Variants in SLC37A3 observed in about 807,000 individuals in gnomAD.
SLC37A3 encodes the protein sugar phosphate exchanger 3.
SLC37A3 carries 51 observed loss-of-function variants against 67.1 expected under a neutral mutation model. The observed-to-expected ratio is 0.76, with a 90% CI of 0.61 to 0.96. The LOEUF (loss-of-function observed/expected upper bound fraction) is 0.96. SLC37A3 is among the 40% of genes least tolerant of loss of function. The probability of loss-of-function intolerance (pLI) is 0.00; values close to 1 mark genes in which losing one functional copy is unlikely to be tolerated. For missense variants in SLC37A3, 508 were observed against 603.0 expected (o/e 0.84, Z 1.65); for synonymous variants, 214 against 231.4 (o/e 0.92, Z 0.68).
rs1178156734 is a variant in SLC37A3, at chr7:140,345,228, T to C, written c.1162A>G (p.Met388Val). 1 of 1,613,940 alleles carries C rather than the reference T, an allele frequency of 6.2e-7. No individual in the cohort carries two copies. The highest frequency in any genetic ancestry group is 8.5e-7 in the Non-Finnish European group (1 of 1,179,872). The stretch of plus-strand genomic sequence containing the variant: ...CCATGTGCCGTACCTGTAACAGTCA[T>C]CAGAAGGGCATTGATGGACTTATCA... The part of the protein sequence containing the change: ...PNDKSINALL[M>V]TVTGFFIGGP... The change falls in exon 12 of 15, where the codon ATG (methionine) becomes GTG (valine). Residue 388 changes from methionine (M) to valine (V), a missense_variant. Transcript: ENST00000326232.
chr7:140,337,234 T>C, intron 14 of SLC37A3, 50 bp downstream of exon 14: 1 of 1,457,364 alleles, frequency 6.9e-7, no homozygotes, highest in Non-Finnish European at 9.2e-7. Flanking sequence ...TGCTTTGAAC[T>C]TAATTAACAG....
chr7:140,371,321 G>A (rs905982215), intron 3 of SLC37A3, among the ~76,000 whole-genome samples: 34 of 152,054 alleles, frequency 2.2e-4, no homozygotes, highest in African/African-American at 8.0e-4. Context: ...TTACAGGCAC[G>A]TGCCACCACG....
chr7:140,352,223 G>A (rs1796841973), intron 7 of SLC37A3, 77 bp from the exon 8 acceptor site: 2 of 1,095,688 alleles, frequency 1.8e-6, no homozygotes, highest in Non-Finnish European at 2.7e-6. Context: ...AAGGTGTGTG[G>A]GGGAAGGTGG....
chr7:140,387,762 T>C lies in SLC37A3; in HGVS notation c.-70-5166A>G, dbSNP rs1159028592. On this transcript the variant is annotated intron_variant, in intron 1 of 14. Coordinates refer to ENST00000326232, the MANE Select transcript of SLC37A3 (RefSeq NM_207113.3). ...TATATATTATATAAATATAAATATA[T>C]TATATATATTATACATAAATATAAA... 5.8e-5 allele frequency among the ~76,000 whole-genome samples: 4 copies of C among 68,868 alleles called. 1 individual carries two copies. The highest frequency in any genetic ancestry group is 1.3e-4 in the African/African-American group (2 of 15,692). The allele number at this position is 68,868 out of a possible 152,430, so 45.2% of individuals were successfully genotyped here.
At chr7:140,370,768 AACCTACTTC>A (rs1797787262) in intron 3 of SLC37A3, among the ~76,000 whole-genome samples, 1 of 152,216 alleles carries the variant, frequency 6.6e-6, no homozygotes, top group Non-Finnish European at 1.5e-5. Context: ...GTCCTTCATT[AACCTACTTC>A]AATTAAATCA....
intron 10 of SLC37A3, among the ~76,000 whole-genome samples, chr7:140,347,247 C>CAAAAAAA (rs554765652): frequency 1.4e-5 from 1 of 71,660 alleles, no homozygotes; most frequent in African/African-American, 4.9e-5. Context: ...CCCCCATCTC[C>CAAAAAAA]AAAAAAAAAA....
chr7:140,377,252 C>T (rs1417519643), intron 3 of SLC37A3, among the ~76,000 whole-genome samples: 3 of 150,014 alleles, frequency 2.0e-5, no homozygotes, highest in South Asian at 2.1e-4. Context: ...TTTGTAGAGA[C>T]GGTGGTCTCT....
At chr7:140,396,679 G>C (rs1004102013) in intron 1 of SLC37A3, among the ~76,000 whole-genome samples, 2 of 152,074 alleles carry the variant, frequency 1.3e-5, no homozygotes, top group African/African-American at 2.4e-5. Context: ...CTTAAACAAT[G>C]AACAAGGCAG....
chr7:140,345,671 C>T (rs760915571), intron 11 of SLC37A3, among the ~76,000 whole-genome samples, 198 bp downstream of exon 11: 3 of 152,066 alleles, frequency 2.0e-5, no homozygotes, highest in Non-Finnish European at 4.4e-5. Context: ...AAAAGAGATG[C>T]CAGTTTCCTC....
At chr7:140,369,038 T>G (rs545858885) in intron 4 of SLC37A3, among the ~76,000 whole-genome samples, 1 of 152,164 alleles carries the variant, frequency 6.6e-6, no homozygotes, top group Non-Finnish European at 1.5e-5. Context: ...CACTCAAGGT[T>G]AAAGCCAAAG....
At chr7:140,361,211 G>A (rs1031065021) in intron 5 of SLC37A3, among the ~76,000 whole-genome samples, 15 of 80,486 alleles carry the variant, frequency 1.9e-4, no homozygotes, top group African/African-American at 4.8e-4. Flanking sequence ...GGCCAGGTGC[G>A]GTGGCTCACA....
At chr7:140,393,116 C>G (rs1209174994) in intron 1 of SLC37A3, among the ~76,000 whole-genome samples, 1 of 152,020 alleles carries the variant, frequency 6.6e-6, no homozygotes, top group African/African-American at 2.4e-5. Flanking sequence ...AAGGATACAA[C>G]TTCCTCCTGT....
chr7:140,381,395 C>T (rs776154092), intron 2 of SLC37A3, among the ~76,000 whole-genome samples: 9 of 151,690 alleles, frequency 5.9e-5, no homozygotes, highest in Non-Finnish European at 1.2e-4. Context: ...CATGGTGGCT[C>T]ATGGTTGTGG....
At chr7:140,344,507 G>A (rs1160259377) in intron 12 of SLC37A3, among the ~76,000 whole-genome samples, 1 of 152,004 alleles carries the variant, frequency 6.6e-6, no homozygotes, top group African/African-American at 2.4e-5. Flanking sequence ...TGTAATCCCA[G>A]CATTTTGGGA....
At chr7:140,397,820 A>T (rs1585398115) in intron 1 of SLC37A3, among the ~76,000 whole-genome samples, 1 of 152,004 alleles carries the variant, frequency 6.6e-6, no homozygotes, top group African/African-American at 2.4e-5. Flanking sequence ...AACACTAAAA[A>T]CTCCGGGGAC....
At chr7:140,377,823 GAGTTCA>G (rs1798092263) in intron 3 of SLC37A3, among the ~76,000 whole-genome samples, 1 of 152,138 alleles carries the variant, frequency 6.6e-6, no homozygotes, top group Admixed American at 6.6e-5. Context: ...TTGAGCCCAA[GAGTTCA>G]AGTACGGCCT....
At chr7:140,395,100 G>A (rs1026215377) in intron 1 of SLC37A3, among the ~76,000 whole-genome samples, 1 of 151,956 alleles carries the variant, frequency 6.6e-6, no homozygotes, top group Non-Finnish European at 1.5e-5. Flanking sequence ...CTATAAAGCC[G>A]GGCACAGTGG....
chr7:140,375,907 C>A (rs1286522166), intron 3 of SLC37A3, among the ~76,000 whole-genome samples: 1 of 152,206 alleles, frequency 6.6e-6, no homozygotes, highest in Non-Finnish European at 1.5e-5. Flanking sequence ...TAAATGTCTT[C>A]AATTAGAGTG....
chr7:140,371,436 T>A (rs1458452886), intron 3 of SLC37A3, among the ~76,000 whole-genome samples: 3 of 152,166 alleles, frequency 2.0e-5, no homozygotes, highest in Non-Finnish European at 2.9e-5. Context: ...CCTCCCAAAG[T>A]GCTGGGATTA....
Sources: allele counts gnomAD v4.1 joint callset (sites outside exome capture counted in the v4.1 genomes callset), GRCh38; gene constraint gnomAD v4.1.1; transcripts MANE v1.5; gene names NCBI Gene and HGNC (gene_info 2026-07-23, HGNC 2026-07-21).